Variants in TTC28 observed in about 807,000 individuals in gnomAD.
The protein encoded by TTC28 is tetratricopeptide repeat domain 28.
A neutral mutation model predicts 198.0 loss-of-function variants in TTC28; 61 were observed. That is an observed-to-expected ratio of 0.31 (90% CI 0.25 to 0.38). TTC28 has a LOEUF of 0.38. Among genes scored for constraint, TTC28 ranks in the 10% least tolerant of loss-of-function variants. TTC28 has a pLI of 1.00. For missense variants in TTC28, 2,678 were observed against 3,164.0 expected (o/e 0.85, Z 3.69); for synonymous variants, 1,171 against 1,297.8 (o/e 0.90, Z 2.10).
rs1028699822 is a variant in TTC28, at chr22:28,105,707, T to C, written c.2879A>G (p.Tyr960Cys). The change falls in exon 8 of 23, where the codon TAT (tyrosine) becomes TGT (cysteine). Residue 960 changes from tyrosine to cysteine, a missense_variant. Transcript: ENST00000397906. ...LGEAFNKAQA[Y>C]GELGSLHSQL... is the part of the protein sequence containing the mutation. ...GCTGTGCAGACTTCCCAGCTCTCCA[T>C]AGGCCTGGGCTTTATTGAAGGCCTC... is the stretch of plus-strand genomic sequence containing the variant. 4 of 1,551,824 alleles carry C rather than the reference T, an allele frequency of 2.6e-6. No homozygotes were observed. The highest frequency in any genetic ancestry group is 4.9e-5 in the East Asian group (2 of 40,908).
rs1363622603 is a variant in TTC28 at position 28,141,650 on chromosome 22, C to G, written c.1441+21442G>C. Among the ~76,000 whole-genome samples, 6 of 152,202 alleles carry G rather than the reference C, an allele frequency of 3.9e-5. No homozygotes were observed. In the East Asian group the frequency reaches 9.7e-4, roughly 25 times the overall value. On this transcript the variant is annotated intron_variant, in intron 6 of 22. Coordinates refer to ENST00000397906, the MANE Select transcript of TTC28 (RefSeq NM_001145418.2). ...AGCTGTCTCCTAGAAACTGAAGGAACCCTTTACAACTGTAGCAGTGTGCTC... is the reference window on the plus strand; with the variant it reads ...AGCTGTCTCCTAGAAACTGAAGGAAGCCTTTACAACTGTAGCAGTGTGCTC...
At chr22:28,586,139 C>T (rs945349933) in intron 2 of TTC28, among the ~76,000 whole-genome samples, 1 of 151,770 alleles carries the variant, frequency 6.6e-6, no homozygotes, top group Admixed American at 6.6e-5. Flanking sequence ...ATTAGCTGGG[C>T]GTGGTGGTGG....
At chr22:28,516,820 T>C (rs1219909492) in intron 2 of TTC28, among the ~76,000 whole-genome samples, 2 of 152,156 alleles carry the variant, frequency 1.3e-5, no homozygotes, top group East Asian at 1.9e-4. Context: ...GTAACAGATA[T>C]GTTAATCAGC....
chr22:28,014,313 G>T lies in TTC28; in HGVS notation c.4153C>A (p.Gln1385Lys), dbSNP rs1272783755. ...AGCGGGGGCTTGGCAAACGAGCTCT[G>T]CCTCCTGGGAAGAGAGGAGGTCCCG... ...QDGTSSLPRR[Q>K]SSFAKPPLRA... is the part of the protein sequence containing the mutation. The change falls in exon 14 of 23, where the codon CAG (glutamine) becomes AAG (lysine). Residue 1385 changes from glutamine (Q) to lysine (K), a missense_variant. Physicochemically the swap from Gln to Lys is moderately conservative, Grantham distance 53. Around this residue, in one of 8 missense-constraint regions of TTC28, gnomAD observed 727 missense variants for 861.9 expected, o/e 0.84. Coordinates refer to ENST00000397906, the MANE Select transcript of TTC28 (RefSeq NM_001145418.2). 1 of 1,551,682 alleles carries T rather than the reference G, an allele frequency of 6.4e-7. No individual in the cohort carries two copies. Among genetic ancestry groups the T allele is most frequent in the Non-Finnish European group, 8.7e-7 (1 of 1,146,992 alleles).
chr22:28,662,124 A>G (rs2051759035), intron 1 of TTC28, among the ~76,000 whole-genome samples: 1 of 152,262 alleles, frequency 6.6e-6, no homozygotes, highest in Non-Finnish European at 1.5e-5. Flanking sequence ...AATAGATAAT[A>G]AAATTTGATA....
chr22:28,255,987 T>C (rs181194435), intron 5 of TTC28, among the ~76,000 whole-genome samples: 1 of 152,264 alleles, frequency 6.6e-6, no homozygotes, highest in East Asian at 1.9e-4. Context: ...ACATATATTT[T>C]TTAAAAAAGG....
intron 5 of TTC28, among the ~76,000 whole-genome samples, chr22:28,218,384 C>T (rs1208036469): frequency 6.6e-6 from 1 of 152,092 alleles, no homozygotes; most frequent in African/African-American, 2.4e-5. Context: ...CTCACAGTCA[C>T]GGTGGTAAAT....
intron 6 of TTC28, among the ~76,000 whole-genome samples, chr22:28,127,729 C>T (rs1004866300): frequency 2.6e-5 from 4 of 151,850 alleles, no homozygotes; most frequent in East Asian, 1.9e-4. Flanking sequence ...ATTTAAATTA[C>T]GTATGTGCCT....
intron 2 of TTC28, among the ~76,000 whole-genome samples, chr22:28,421,824 A>G (rs947530741): frequency 2.6e-5 from 4 of 151,926 alleles, no homozygotes; most frequent in Admixed American, 2.0e-4. Context: ...AGTCCCAGAT[A>G]CTTGGGAGGC....
intron 2 of TTC28, among the ~76,000 whole-genome samples, chr22:28,488,191 A>T (rs1347510440): frequency 6.6e-6 from 1 of 152,238 alleles, no homozygotes; most frequent in East Asian, 1.9e-4. Flanking sequence ...ACCAGACAGG[A>T]GGTTACTCAA....
At position 28,461,833 on chromosome 22, in the gene TTC28, T is replaced by C. The variant is rs114182048; in HGVS notation, c.382-155190A>G. On this transcript the variant is annotated intron_variant, in intron 2 of 22. Coordinates refer to ENST00000397906, the MANE Select transcript of TTC28 (RefSeq NM_001145418.2). ...ACCTTACTCCATACATTGTGCTCTC[T>C]TCTCTGTCTTTCCCACCAGTCATGC... Among the ~76,000 whole-genome samples, 651 of 152,290 alleles carry C rather than the reference T, an allele frequency of 4.3e-3. 3 individuals are homozygous for C. Among genetic ancestry groups the C allele is most frequent in the African/African-American group, 0.015 (630 of 41,574 alleles).
intron 2 of TTC28, among the ~76,000 whole-genome samples, chr22:28,322,627 G>A (rs967985494): frequency 3.9e-4 from 59 of 152,264 alleles, no homozygotes; most frequent in African/African-American, 1.3e-3. Flanking sequence ...AAAGTGCCTC[G>A]TCCATCAGCC....
At chr22:28,644,696 G>A (rs1412435161) in intron 1 of TTC28, among the ~76,000 whole-genome samples, 1 of 151,416 alleles carries the variant, frequency 6.6e-6, no homozygotes, top group Non-Finnish European at 1.5e-5. Flanking sequence ...TTTTACACAT[G>A]CCTGTAGTCC....
Position 27,983,587 on chromosome 22 carries a change from T to G in TTC28, c.6080A>C (p.Lys2027Thr), listed in dbSNP as rs1390416720. 1.3e-6 allele frequency: 2 copies of G among 1,550,872 alleles called. No individual in the cohort carries two copies. Among genetic ancestry groups the G allele is most frequent in the Non-Finnish European group, 1.7e-6 (2 of 1,146,670 alleles). ...GGTGGATCTCTGCAGGTAAGCGTTC[T>G]TGGACCGGTCATGGTCCTGCCGTCC... Reference protein sequence around the residue: ...PGGRQDHDRSKNAYLQRSTLP... With the variant: ...PGGRQDHDRSTNAYLQRSTLP... Residue 2027 changes from lysine to threonine, a missense_variant, in exon 23 of 23, where the codon AAG becomes ACG. This residue lies in a region of TTC28 where 622 missense variants were observed against 656.0 expected (regional missense o/e 0.95). Coordinates refer to ENST00000397906, the MANE Select transcript of TTC28 (RefSeq NM_001145418.2).
intron 6 of TTC28, among the ~76,000 whole-genome samples, chr22:28,120,580 G>A (rs1029681114): frequency 1.3e-5 from 2 of 152,180 alleles, no homozygotes; most frequent in African/African-American, 4.8e-5. Context: ...GTGCAACCCA[G>A]GGTGAAGACA....
chr22:28,370,243 T>C (rs774294689), intron 2 of TTC28, among the ~76,000 whole-genome samples: 110 of 152,194 alleles, frequency 7.2e-4, no homozygotes, highest in Non-Finnish European at 8.7e-4. Context: ...CAGTCCTTCT[T>C]AACAAGCTCT....
At chr22:27,988,317 T>A (rs1937284053) in intron 21 of TTC28, among the ~76,000 whole-genome samples, 1 of 150,558 alleles carries the variant, frequency 6.6e-6, no homozygotes, top group Admixed American at 6.6e-5. Flanking sequence ...CAGAGCTTTT[T>A]GCTCTTGTCG....
At chr22:28,360,698 A>T (rs1232658234) in intron 2 of TTC28, among the ~76,000 whole-genome samples, 1 of 152,128 alleles carries the variant, frequency 6.6e-6, no homozygotes, top group African/African-American at 2.4e-5. Flanking sequence ...GAAATGACTG[A>T]TTGTATAGGC....
At chr22:28,536,531 G>A (rs2049283164) in intron 2 of TTC28, among the ~76,000 whole-genome samples, 1 of 152,026 alleles carries the variant, frequency 6.6e-6, no homozygotes, top group African/African-American at 2.4e-5. Flanking sequence ...GGCTGAGGCA[G>A]GAGAATGGCG....
Sources: allele counts gnomAD v4.1 joint callset (sites outside exome capture counted in the v4.1 genomes callset), GRCh38; gene constraint gnomAD v4.1.1; regional missense constraint gnomAD v4.1.1; transcripts MANE v1.5; gene names NCBI Gene and HGNC (gene_info 2026-07-23, HGNC 2026-07-21).